Variants in PRR16 observed in about 807,000 individuals in gnomAD.
PRR16 encodes the protein protein Largen.
PRR16 carries 6 observed loss-of-function variants against 18.2 expected under a neutral mutation model. The observed-to-expected ratio is 0.33, with a 90% CI of 0.18 to 0.65. PRR16 has a LOEUF of 0.65. Among genes scored for constraint, PRR16 ranks in the 30% least tolerant of loss-of-function variants. PRR16 has a pLI of 0.74. For synonymous variants in PRR16, 151 were observed against 147.8 expected (o/e 1.02, Z -0.16); for missense variants, 412 against 376.6 (o/e 1.09, Z -0.78).
chr5:120,523,409 G>A (rs1751250158), intron 1 of PRR16, among the ~76,000 whole-genome samples: 1 of 152,136 alleles, frequency 6.6e-6, no homozygotes, highest in African/African-American at 2.4e-5. Context: ...AATGAGGCAA[G>A]TACTGTCTTG....
chr5:120,578,261 G>A (rs1484847664), intron 1 of PRR16, among the ~76,000 whole-genome samples: 1 of 151,958 alleles, frequency 6.6e-6, no homozygotes, highest in African/African-American at 2.4e-5. Context: ...AATTTTCTGA[G>A]TTACTATAAT....
rs1580810414 is a variant in PRR16, at chr5:120,632,801, C to T, written c.160-53153C>T. On this transcript the variant is annotated intron_variant, in intron 1 of 1. Transcript: ENST00000407149. ...AAGAGAAATCTAAAAGTTTGGAAAA[C>T]ATATTTGAAGGAATAATTGAGAAAC... Among the ~76,000 whole-genome samples the T allele has an allele frequency of 3.3e-5, 5 of 152,226 alleles. 1 individual carries two copies. The South Asian group carries it at 1.0e-3, about 32-fold the overall frequency.
At chr5:120,564,412 C>T (rs10478476) in intron 1 of PRR16, among the ~76,000 whole-genome samples, 32,153 of 152,014 alleles carry the variant, frequency 0.21, 3,569 homozygotes, top group Non-Finnish European at 0.21. Flanking sequence ...CGAGGCTTCC[C>T]GTGAAACTCC....
intron 1 of PRR16, among the ~76,000 whole-genome samples, chr5:120,652,451 C>G (rs992753079): frequency 1.3e-5 from 2 of 152,166 alleles, no homozygotes; most frequent in South Asian, 4.1e-4. Context: ...CTGACAAATA[C>G]TACCTGAAGG....
At chr5:120,706,281 G>A in the PRR16 span, among the ~76,000 whole-genome samples, 1 of 122,340 alleles carries the variant, frequency 8.2e-6, no homozygotes, top group Non-Finnish European at 1.8e-5. Flanking sequence ...GCCTCCTGAT[G>A]TAATGACATG....
intron 1 of PRR16, among the ~76,000 whole-genome samples, chr5:120,522,168 A>G (rs531520965): frequency 3.3e-5 from 5 of 152,280 alleles, no homozygotes; most frequent in South Asian, 2.1e-4. Context: ...ATGATTTATA[A>G]TCCTTTGGGT....
intron 1 of PRR16, among the ~76,000 whole-genome samples, chr5:120,655,796 T>C (rs557480945): frequency 6.6e-6 from 1 of 151,306 alleles, no homozygotes; most frequent in East Asian, 1.9e-4. Context: ...ATGAGAAGGC[T>C]AAATGTGAAG....
chr5:120,784,200 T>C, the PRR16 span, among the ~76,000 whole-genome samples: 1 of 152,194 alleles, frequency 6.6e-6, no homozygotes, highest in Non-Finnish European at 1.5e-5. Flanking sequence ...TATACTGAAT[T>C]TCTTTCTTTT....
intron 1 of PRR16, among the ~76,000 whole-genome samples, chr5:120,557,800 A>G (rs1186562391): frequency 6.6e-6 from 1 of 151,940 alleles, no homozygotes; most frequent in Non-Finnish European, 1.5e-5. Flanking sequence ...ATTATTTAGC[A>G]TCTCTTGAAA....
chr5:120,490,347 G>A (rs536772757), intron 1 of PRR16, among the ~76,000 whole-genome samples: 18 of 152,132 alleles, frequency 1.2e-4, no homozygotes, highest in South Asian at 4.1e-4. Context: ...GGCTTTGTTC[G>A]TTTCTTTTTA....
intron 1 of PRR16, among the ~76,000 whole-genome samples, chr5:120,480,409 A>G (rs1450475800): frequency 6.6e-6 from 1 of 152,218 alleles, no homozygotes; most frequent in Admixed American, 6.5e-5. Flanking sequence ...TTAGCCAATA[A>G]TATTTATACA....
intron 1 of PRR16, among the ~76,000 whole-genome samples, chr5:120,562,605 G>T (rs563603345): frequency 6.6e-6 from 1 of 151,680 alleles, no homozygotes; most frequent in African/African-American, 2.4e-5. Context: ...TTCTCTGGTG[G>T]TATGTTTTAA....
chr5:120,656,467 CAAAAAAAA>C (rs34228222), intron 1 of PRR16, among the ~76,000 whole-genome samples: 7 of 93,504 alleles, frequency 7.5e-5, no homozygotes, highest in African/African-American at 2.9e-4. Flanking sequence ...TAATCACTCT[CAAAAAAAA>C]AAAAAAAAAA....
the PRR16 span, among the ~76,000 whole-genome samples, chr5:120,701,492 T>C: frequency 1.3e-5 from 2 of 152,144 alleles, no homozygotes; most frequent in Admixed American, 1.3e-4. Flanking sequence ...GCCACCTTTT[T>C]AAGAGTAAAT....
At chr5:120,481,154 A>ATTT in intron 1 of PRR16, 1 of 980,488 alleles carries the variant, frequency 1.0e-6, no homozygotes, top group Non-Finnish European at 1.3e-6. Flanking sequence ...ATCTTATTTT[A>ATTT]TTTTTTTTTT....
intron 1 of PRR16, among the ~76,000 whole-genome samples, chr5:120,596,233 G>A (rs747969211): frequency 1.4e-4 from 21 of 151,312 alleles, no homozygotes; most frequent in Non-Finnish European, 2.8e-4. Context: ...ACCTGCTGAA[G>A]CTTATGGGAA....
chr5:120,620,134 T>C (rs1168247209), intron 1 of PRR16, among the ~76,000 whole-genome samples: 1 of 152,170 alleles, frequency 6.6e-6, no homozygotes, highest in Non-Finnish European at 1.5e-5. Flanking sequence ...GTTTGGTGTT[T>C]CTGTGAAATG....
intron 1 of PRR16, among the ~76,000 whole-genome samples, chr5:120,566,837 A>C (rs1046057135): frequency 2.0e-5 from 3 of 152,228 alleles, no homozygotes; most frequent in African/African-American, 7.2e-5. Context: ...CTATGAATTC[A>C]GTCAGGAAAG....
At chr5:120,593,726 T>G (rs1753713547) in intron 1 of PRR16, among the ~76,000 whole-genome samples, 1 of 152,042 alleles carries the variant, frequency 6.6e-6, no homozygotes, top group South Asian at 2.1e-4. Context: ...ACAATATCCT[T>G]GATGAACATA....
Sources: allele counts gnomAD v4.1 joint callset (sites outside exome capture counted in the v4.1 genomes callset), GRCh38; gene constraint gnomAD v4.1.1; transcripts MANE v1.5; gene names NCBI Gene and HGNC (gene_info 2026-07-23, HGNC 2026-07-21).